RAB9B: variants seen among roughly 807,000 people sequenced by gnomAD.
RAB9B encodes ras-related protein Rab-9B.
A neutral mutation model predicts 8.9 loss-of-function variants in RAB9B; 1 was observed. The ratio of observed to expected loss-of-function variants is 0.11; its 90% CI spans 0.04 to 0.53. The LOEUF (loss-of-function observed/expected upper bound fraction) is 0.53. RAB9B is among the 20% of genes least tolerant of loss of function. The pLI is 0.93. For synonymous variants in RAB9B, 63 were observed against 57.0 expected (o/e 1.10, Z -0.47); for missense variants, 82 against 152.9 (o/e 0.54, Z 2.45).
chrX:103,831,260 C>T (rs916605685), intron 1 of RAB9B, among the ~76,000 whole-genome samples: 1 of 109,470 alleles, frequency 9.1e-6, no homozygotes, highest in Non-Finnish European at 1.9e-5. Context: ...CAATACTTGG[C>T]GTTGGTGCTG....
At chrX:103,797,808 A>G in the RAB9B span, among the ~76,000 whole-genome samples, 5 of 106,308 alleles carry the variant, frequency 4.7e-5, no homozygotes, top group Admixed American at 2.0e-4. Flanking sequence ...CACATTTGTC[A>G]TAGTACCTGC....
chrX:103,790,810 C>T, the RAB9B span: 1 of 434,613 alleles, frequency 2.3e-6, no homozygotes, highest in Admixed American at 3.6e-5. Flanking sequence ...TGCTTCATAG[C>T]TGGTTCCTGC....
downstream of RAB9B, among the ~76,000 whole-genome samples, chrX:103,817,612 T>C (rs772095820): frequency 2.3e-4 from 25 of 110,048 alleles, no homozygotes; most frequent in Non-Finnish European, 4.7e-4. Context: ...CTATATATAC[T>C]ATATATATGC....
At chrX:103,804,110 T>C in the RAB9B span, among the ~76,000 whole-genome samples, 1 of 112,466 alleles carries the variant, frequency 8.9e-6, no homozygotes, top group African/African-American at 3.2e-5. Context: ...TGTTTTCTTC[T>C]AAGAGTTTTA....
Position 103,824,444 on chromosome X carries a change from C to G in RAB9B, c.*735G>C, listed in dbSNP as rs1315222943. The G allele has an allele frequency of 1.8e-5, 2 of 112,266 alleles. No homozygotes were observed. Among genetic ancestry groups the G allele is most frequent in the African/African-American group, 6.5e-5 (2 of 30,908 alleles). The allele number at this position is 112,266 out of a possible 1,213,427, so 9.3% of individuals were successfully genotyped here. A position where few individuals can be genotyped will look rare whatever the true frequency, so the allele number is the denominator to read the frequency against. On this transcript the variant is annotated 3_prime_UTR_variant, in exon 3 of 3. Transcript: ENST00000243298. ...CAAAAGTAGACTTAGGAATTAAAAG[C>G]AGACCAACCATTTATTTGCAAAGGT...
At chrX:103,807,884 C>T in the RAB9B span, among the ~76,000 whole-genome samples, 1 of 112,233 alleles carries the variant, frequency 8.9e-6, no homozygotes, top group African/African-American at 3.2e-5. Flanking sequence ...CTGTTTCCAC[C>T]ATTGATTCCC....
the RAB9B span, among the ~76,000 whole-genome samples, chrX:103,789,692 C>T: frequency 8.9e-6 from 1 of 112,090 alleles, no homozygotes; most frequent in Non-Finnish European, 1.9e-5. Flanking sequence ...AAGTACTTTG[C>T]AGTCATAAAT....
the RAB9B span, among the ~76,000 whole-genome samples, chrX:103,794,845 A>G: frequency 9.0e-6 from 1 of 111,494 alleles, no homozygotes; most frequent in Non-Finnish European, 1.9e-5. Context: ...ACGCAAACAT[A>G]CTCTTCATTA....
At chrX:103,813,717 G>C in the RAB9B span, among the ~76,000 whole-genome samples, 3 of 73,439 alleles carry the variant, frequency 4.1e-5, no homozygotes, top group Non-Finnish European at 7.2e-5. Flanking sequence ...TAAAGGGATG[G>C]AGGAAGATCT....
At chrX:103,800,823 T>C in the RAB9B span, among the ~76,000 whole-genome samples, 2 of 111,859 alleles carry the variant, frequency 1.8e-5, no homozygotes, top group Non-Finnish European at 3.8e-5. Context: ...CACTATCTTT[T>C]TTCCCCACAG....
the RAB9B span, chrX:103,785,864 A>T: frequency 1.2e-6 from 1 of 836,559 alleles, no homozygotes; most frequent in Non-Finnish European, 1.8e-6. Flanking sequence ...CTAGCAGGGG[A>T]CTGGGGTGGA....
the RAB9B span, among the ~76,000 whole-genome samples, chrX:103,809,975 C>A: frequency 1.7e-4 from 19 of 111,426 alleles, no homozygotes; most frequent in Non-Finnish European, 2.6e-4. Context: ...CCTGGCCCTG[C>A]ACTAGGTGCT....
At chrX:103,800,224 C>A in the RAB9B span, among the ~76,000 whole-genome samples, 48 of 109,077 alleles carry the variant, frequency 4.4e-4, no homozygotes, top group African/African-American at 1.4e-3. Context: ...GGACATATTT[C>A]TCTACAGTCT....
At chrX:103,795,245 CAA>C in the RAB9B span, among the ~76,000 whole-genome samples, 1 of 103,757 alleles carries the variant, frequency 9.6e-6, no homozygotes, top group South Asian at 4.2e-4. Context: ...CCATGAGAAA[CAA>C]AGAGTCATGT....
the RAB9B span, among the ~76,000 whole-genome samples, chrX:103,804,683 T>G: frequency 8.9e-6 from 1 of 112,243 alleles, no homozygotes; most frequent in African/African-American, 3.2e-5. Context: ...TATTTAGGTC[T>G]TGTTTAACTT....
the RAB9B span, among the ~76,000 whole-genome samples, chrX:103,802,350 T>A: frequency 1.8e-5 from 2 of 110,398 alleles, no homozygotes; most frequent in Non-Finnish European, 3.8e-5. Context: ...AGAAATACGA[T>A]CAACTCAATT....
At chrX:103,821,835 T>C (rs1210830025), downstream of RAB9B, among the ~76,000 whole-genome samples, 1 of 111,879 alleles carries the variant, frequency 8.9e-6, no homozygotes, top group Non-Finnish European at 1.9e-5. Context: ...GTTATATGGG[T>C]ATATTGCAGA....
chrX:103,826,746 C>T (rs1057065680), intron 2 of RAB9B, among the ~76,000 whole-genome samples: 4 of 111,749 alleles, frequency 3.6e-5, no homozygotes, highest in African/African-American at 1.3e-4. Context: ...ATTGTGGGAA[C>T]TCAACGGTGA....
At chrX:103,796,997 G>A in the RAB9B span, among the ~76,000 whole-genome samples, 2 of 105,458 alleles carry the variant, frequency 1.9e-5, no homozygotes, top group African/African-American at 3.5e-5. Flanking sequence ...ATTACACTCC[G>A]TCCTGGGCAA....
Sources: allele counts gnomAD v4.1 joint callset (sites outside exome capture counted in the v4.1 genomes callset), GRCh38; gene constraint gnomAD v4.1.1; transcripts MANE v1.5; gene names NCBI Gene and HGNC (gene_info 2026-07-23, HGNC 2026-07-21).